The following KCNJ3 variants were observed in gnomAD, a reference collection of about 807,000 sequenced individuals.
KCNJ3 encodes potassium inwardly rectifying channel subfamily J member 3, also known as G protein-activated inward rectifier potassium channel 1.
Under a neutral mutation model 39.2 loss-of-function variants are expected in KCNJ3, and 4 were observed. That is an observed-to-expected ratio of 0.10 (90% confidence interval 0.05 to 0.23). The LOEUF (loss-of-function observed/expected upper bound fraction) is 0.23, where lower values mean the gene tolerates loss of function less well. KCNJ3 is among the 10% of genes least tolerant of loss of function. KCNJ3 has a pLI of 1.00. For missense variants in KCNJ3, 276 were observed against 634.9 expected (o/e 0.43, Z 6.08); for synonymous variants, 230 against 237.4 (o/e 0.97, Z 0.29).
chr2:154,805,580 C>T (rs1187027655), intron 2 of KCNJ3, among the ~76,000 whole-genome samples: 1 of 152,050 alleles, frequency 6.6e-6, no homozygotes, highest in African/African-American at 2.4e-5. Flanking sequence ...TTCCTGGCAT[C>T]TAAATTTGTG....
intron 2 of KCNJ3, among the ~76,000 whole-genome samples, chr2:154,837,075 G>A (rs944210105): frequency 6.6e-6 from 1 of 152,154 alleles, no homozygotes; most frequent in African/African-American, 2.4e-5. Flanking sequence ...TGTCAAGTGT[G>A]TAAGTGTATC....
At chr2:154,822,782 A>C (rs1277139441) in intron 2 of KCNJ3, among the ~76,000 whole-genome samples, 1 of 151,974 alleles carries the variant, frequency 6.6e-6, no homozygotes, top group Non-Finnish European at 1.5e-5. Context: ...CAGCAGTTGA[A>C]TTCACAGTAT....
chr2:154,832,991 G>T (rs1687388723), intron 2 of KCNJ3, among the ~76,000 whole-genome samples: 2 of 152,072 alleles, frequency 1.3e-5, no homozygotes, highest in Non-Finnish European at 2.9e-5. Flanking sequence ...CAAAAATAGG[G>T]TTTGACTATG....
In KCNJ3 at chr2:154,857,144, C is replaced by T. The variant is rs1430824310; in HGVS notation, c.*1831C>T. On this transcript the variant is annotated 3_prime_UTR_variant, in exon 3 of 3. Transcript: ENST00000295101. ...ATGATCAATCTGGAGTGTGCATCCA[C>T]TGTGAATGGAGCAAATTGCCCTATA... 6.6e-6 allele frequency: 1 copy of T among 152,146 alleles called. No homozygotes were observed. Among genetic ancestry groups the T allele is most frequent in the South Asian group, 2.1e-4 (1 of 4,826 alleles). The allele number at this position is 152,146 out of a possible 1,614,324, so 9.4% of individuals were successfully genotyped here. A position where few individuals can be genotyped will look rare whatever the true frequency, so the allele number is the denominator to read the frequency against.
rs1558866943 is a variant in KCNJ3, at chr2:154,760,726, C to CTTTTTCTTCTTTTTTTTTT, written c.919+50912_919+50913insCTTCTTTTTTTTTTTTTTT. ...ATGCCAACACCCTGGCTATTTTTTT[C>CTTTTTCTTCTTTTTTTTTT]TTTTTTTTCTTTTTTTTTTTTTTTT... On this transcript the variant is annotated intron_variant, in intron 2 of 2. Transcript: ENST00000295101. 1.7e-5 allele frequency among the ~76,000 whole-genome samples: 2 copies of CTTTTTCTTCTTTTTTTTTT among 116,928 alleles called. 1 individual carries two copies. The allele number at this position is 116,928 out of a possible 152,430, so 76.7% of individuals were successfully genotyped here. A position where few individuals can be genotyped will look rare whatever the true frequency, so the allele number is the denominator to read the frequency against.
chr2:154,716,973 C>T (rs1685191874), intron 2 of KCNJ3, among the ~76,000 whole-genome samples: 1 of 152,182 alleles, frequency 6.6e-6, no homozygotes, highest in Non-Finnish European at 1.5e-5. Flanking sequence ...GAAAAACGAA[C>T]TGAACTAAAT....
chr2:154,835,332 ATTATT>A (rs909944172), intron 2 of KCNJ3, among the ~76,000 whole-genome samples: 9 of 141,044 alleles, frequency 6.4e-5, no homozygotes, highest in African/African-American at 1.5e-4. Context: ...ACGACAATAA[ATTATT>A]TTCTTTTTTT....
At chr2:154,746,281 G>T (rs891376654) in intron 2 of KCNJ3, among the ~76,000 whole-genome samples, 4 of 151,784 alleles carry the variant, frequency 2.6e-5, no homozygotes, top group African/African-American at 9.7e-5. Flanking sequence ...ATGGTAGAGT[G>T]GTTAAGTTTT....
At chr2:154,766,205 A>G (rs1686130090) in intron 2 of KCNJ3, among the ~76,000 whole-genome samples, 1 of 152,202 alleles carries the variant, frequency 6.6e-6, no homozygotes, top group Admixed American at 6.5e-5. Flanking sequence ...GGGGTGATGA[A>G]GTGAGAAAGT....
intron 2 of KCNJ3, among the ~76,000 whole-genome samples, chr2:154,734,159 T>C (rs1406364058): frequency 6.6e-6 from 1 of 152,218 alleles, no homozygotes; most frequent in African/African-American, 2.4e-5. Flanking sequence ...CATCCCACTT[T>C]CATGAAAATT....
chr2:154,796,212 T>C (rs1361767799), intron 2 of KCNJ3, among the ~76,000 whole-genome samples: 1 of 152,120 alleles, frequency 6.6e-6, no homozygotes, highest in Non-Finnish European at 1.5e-5. Context: ...TGTCTATTTG[T>C]ACAGTAGAAG....
At chr2:154,761,732 G>A (rs1462492145) in intron 2 of KCNJ3, among the ~76,000 whole-genome samples, 1 of 151,924 alleles carries the variant, frequency 6.6e-6, no homozygotes, top group East Asian at 1.9e-4. Context: ...TTAACTTCTG[G>A]AAATGGCTAT....
intron 1 of KCNJ3, among the ~76,000 whole-genome samples, chr2:154,704,761 C>A (rs1684972100): frequency 6.6e-6 from 1 of 152,156 alleles, no homozygotes; most frequent in East Asian, 1.9e-4. Flanking sequence ...TACTTTTGTT[C>A]CTGATTCTGG....
chr2:154,807,793 A>G (rs1401501044), intron 2 of KCNJ3, among the ~76,000 whole-genome samples: 5 of 152,148 alleles, frequency 3.3e-5, no homozygotes, highest in Admixed American at 3.3e-4. Flanking sequence ...ACAGCTTGCT[A>G]TCCTGTAGGA....
intron 2 of KCNJ3, among the ~76,000 whole-genome samples, chr2:154,736,057 T>G (rs1240229141): frequency 6.6e-6 from 1 of 152,088 alleles, no homozygotes; most frequent in African/African-American, 2.4e-5. Context: ...TAGGCCAGCG[T>G]GTAAAATTTC....
chr2:154,805,618 G>T lies in KCNJ3; in HGVS notation c.920-49109G>T, dbSNP rs576877721. Among the ~76,000 whole-genome samples the T allele has an allele frequency of 4.6e-5, 7 of 152,180 alleles. No homozygotes were observed. The East Asian group carries it at 1.4e-3, about 29-fold the overall frequency. On this transcript the variant is annotated intron_variant, in intron 2 of 2. Coordinates refer to ENST00000295101, the MANE Select transcript of KCNJ3 (RefSeq NM_002239.4). The stretch of plus-strand genomic sequence containing the variant: ...ACTTTTTAGTTAAAGGGCTATGATA[G>T]AAGTATATTTAAATTATTTTAAATA...
At chr2:154,808,681 A>G (rs971670303) in intron 2 of KCNJ3, among the ~76,000 whole-genome samples, 2 of 152,146 alleles carry the variant, frequency 1.3e-5, no homozygotes, top group African/African-American at 4.8e-5. Flanking sequence ...GTGGCATCCC[A>G]AATTTAAAAA....
At chr2:154,788,963 T>C (rs1318952871) in intron 2 of KCNJ3, among the ~76,000 whole-genome samples, 4 of 152,100 alleles carry the variant, frequency 2.6e-5, no homozygotes, top group Non-Finnish European at 4.4e-5. Context: ...TGTTCTTGAT[T>C]CAGAGTGGTT....
At chr2:154,787,255 T>C (rs1285900939) in intron 2 of KCNJ3, among the ~76,000 whole-genome samples, 3 of 152,212 alleles carry the variant, frequency 2.0e-5, no homozygotes, top group Non-Finnish European at 2.9e-5. Flanking sequence ...TTGAATTGCT[T>C]CTTGAGCTCT....
Sources: gnomAD v4.1 joint callset for allele counts (sites outside exome capture counted in the v4.1 genomes callset) on GRCh38, gnomAD v4.1.1 for gene constraint, MANE v1.5 for transcripts, NCBI Gene and HGNC (gene_info 2026-07-23, HGNC 2026-07-21) for gene names.